The following ADIPOR2 variants were observed in gnomAD, a reference collection of about 807,000 sequenced individuals.
ADIPOR2 encodes adiponectin receptor 2.
Under a neutral mutation model 40.9 loss-of-function variants are expected in ADIPOR2, and 18 were observed. The ratio of observed to expected loss-of-function variants is 0.44; its 90% CI spans 0.30 to 0.65. The LOEUF is 0.65. ADIPOR2 is among the 30% of genes least tolerant of loss of function. The pLI is 0.09. For missense variants in ADIPOR2, 283 were observed against 479.2 expected (o/e 0.59, Z 3.82); for synonymous variants, 165 against 166.4 (o/e 0.99, Z 0.06).
intron 4 of ADIPOR2, 179 bp from the exon 5 acceptor site, chr12:1,780,272 C>T: frequency 5.6e-6 from 3 of 536,860 alleles, no homozygotes; most frequent in Non-Finnish European, 6.1e-6. Context: ...TTTCTGATAC[C>T]AACAATGTTG....
chr12:1,745,675 GTAAAGCACCAGTGATTTTACCATTC>G (rs2094753462), intron 1 of ADIPOR2, among the ~76,000 whole-genome samples: 1 of 151,994 alleles, frequency 6.6e-6, no homozygotes, highest in Non-Finnish European at 1.5e-5. Flanking sequence ...TAAAGTTTTC[GTAAAGCACCAGTGATTTTACCATTC>G]TTCCACTCAA....
At chr12:1,762,515 T>C (rs1394176762) in intron 2 of ADIPOR2, among the ~76,000 whole-genome samples, 2 of 152,236 alleles carry the variant, frequency 1.3e-5, no homozygotes, top group East Asian at 3.9e-4. Context: ...TGTGTCTAAG[T>C]GGTTTCAAGT....
intron 1 of ADIPOR2, among the ~76,000 whole-genome samples, chr12:1,735,041 T>G (rs1437690760): frequency 1.3e-5 from 2 of 152,230 alleles, no homozygotes; most frequent in East Asian, 3.8e-4. Flanking sequence ...TGCCTCCAGC[T>G]TTGTTCTTTT....
At chr12:1,693,313 C>T (rs1045290150) in intron 1 of ADIPOR2, among the ~76,000 whole-genome samples, 2 of 148,256 alleles carry the variant, frequency 1.3e-5, no homozygotes, top group African/African-American at 4.9e-5. Context: ...ACTATGTGGA[C>T]CTTAATATAA....
At chr12:1,739,030 A>C (rs1418980128) in intron 1 of ADIPOR2, among the ~76,000 whole-genome samples, 2 of 152,182 alleles carry the variant, frequency 1.3e-5, no homozygotes, top group Non-Finnish European at 2.9e-5. Context: ...TTTTTTGGGA[A>C]AATAACTTTA....
At chr12:1,748,010 T>C (rs1438239951) in intron 1 of ADIPOR2, among the ~76,000 whole-genome samples, 3 of 152,114 alleles carry the variant, frequency 2.0e-5, no homozygotes, top group East Asian at 1.9e-4. Flanking sequence ...GAATTTTTTT[T>C]CCCCTCTACC....
intron 4 of ADIPOR2, among the ~76,000 whole-genome samples, chr12:1,779,171 A>T (rs1195890688): frequency 6.6e-6 from 1 of 152,248 alleles, no homozygotes; most frequent in African/African-American, 2.4e-5. Flanking sequence ...AACTCCTAGT[A>T]TATTACCCAA....
intron 1 of ADIPOR2, among the ~76,000 whole-genome samples, chr12:1,752,725 G>C (rs1471903345): frequency 6.6e-6 from 1 of 152,126 alleles, no homozygotes; most frequent in Non-Finnish European, 1.5e-5. Context: ...AGTACCACAT[G>C]TAAATTATCT....
At chr12:1,721,561 C>T (rs2094697989) in intron 1 of ADIPOR2, among the ~76,000 whole-genome samples, 1 of 152,178 alleles carries the variant, frequency 6.6e-6, no homozygotes, top group East Asian at 1.9e-4. Flanking sequence ...CTCAAATTTT[C>T]AGGGTTCACA....
At chr12:1,755,004 G>T (rs1452621189) in intron 2 of ADIPOR2, among the ~76,000 whole-genome samples, 1 of 117,438 alleles carries the variant, frequency 8.5e-6, no homozygotes, top group Non-Finnish European at 2.1e-5. Flanking sequence ...ATGAGTCATC[G>T]TGCCCAGCTT....
At chr12:1,767,071 A>G (rs561137111) in intron 2 of ADIPOR2, among the ~76,000 whole-genome samples, 1 of 152,054 alleles carries the variant, frequency 6.6e-6, no homozygotes, top group South Asian at 2.1e-4. Context: ...GGAGTTCGAG[A>G]CCAGCCTGGC....
chr12:1,763,713 C>G (rs1862315640), intron 2 of ADIPOR2, among the ~76,000 whole-genome samples: 1 of 152,204 alleles, frequency 6.6e-6, no homozygotes, highest in South Asian at 2.1e-4. Flanking sequence ...CCTGGTGGCT[C>G]ATGCCTGTAA....
Position 1,786,183 on chromosome 12 carries a change from C to A in ADIPOR2, c.*111C>A. The A allele has an allele frequency of 6.9e-7, 1 of 1,443,652 alleles. No individual in the cohort carries two copies. The highest frequency in any genetic ancestry group is 9.3e-7 in the Non-Finnish European group (1 of 1,071,700). 89.4% of individuals were successfully genotyped at this position (1,443,652 alleles called of 1,614,324 possible). ...AGAGGAGCCCCAAAACTTTGACAGC[C>A]TCGTGGGCTTTGTGACGGCCCAGTG... On this transcript the variant is annotated 3_prime_UTR_variant, in exon 8 of 8. Transcript: ENST00000357103.
chr12:1,752,006 C>T (rs1304638434), intron 1 of ADIPOR2, among the ~76,000 whole-genome samples: 5 of 150,430 alleles, frequency 3.3e-5, no homozygotes, highest in Admixed American at 1.3e-4. Context: ...CTCCCGGGTT[C>T]GAGCAATTCT....
intron 1 of ADIPOR2, among the ~76,000 whole-genome samples, chr12:1,725,271 G>A (rs1274603240): frequency 1.3e-5 from 2 of 151,978 alleles, no homozygotes; most frequent in African/African-American, 2.4e-5. Flanking sequence ...ATAGGCATGC[G>A]CCACCATGCC....
intron 2 of ADIPOR2, among the ~76,000 whole-genome samples, chr12:1,762,046 C>T (rs7132184): frequency 1.4e-4 from 21 of 152,068 alleles, no homozygotes; most frequent in Admixed American, 1.2e-3. Context: ...GAGCTGCAGC[C>T]GCATTGGCCT....
At chr12:1,695,117 G>A (rs2094635645) in intron 1 of ADIPOR2, among the ~76,000 whole-genome samples, 1 of 150,688 alleles carries the variant, frequency 6.6e-6, no homozygotes, top group African/African-American at 2.4e-5. Flanking sequence ...CCGGGCTCAA[G>A]CGATCCTCCC....
At chr12:1,702,397 A>G (rs2094652229) in intron 1 of ADIPOR2, among the ~76,000 whole-genome samples, 1 of 152,132 alleles carries the variant, frequency 6.6e-6, no homozygotes, top group Admixed American at 6.5e-5. Context: ...ATTTGCTGTC[A>G]CTTTGCATAT....
chr12:1,755,968 A>G (rs958093333), intron 2 of ADIPOR2, among the ~76,000 whole-genome samples: 1 of 152,090 alleles, frequency 6.6e-6, no homozygotes, highest in African/African-American at 2.4e-5. Flanking sequence ...TAACATTTTG[A>G]AAGCTTCTAC....
Sources: gnomAD v4.1 joint callset for allele counts (sites outside exome capture counted in the v4.1 genomes callset) on GRCh38, gnomAD v4.1.1 for gene constraint, MANE v1.5 for transcripts, NCBI Gene and HGNC (gene_info 2026-07-23, HGNC 2026-07-21) for gene names.